CCDC180: variants seen among roughly 807,000 people sequenced by gnomAD.
The protein encoded by CCDC180 is coiled-coil domain-containing protein 180.
A neutral mutation model predicts 209.2 loss-of-function variants in CCDC180; 154 were observed. That is an observed-to-expected ratio of 0.74 (90% confidence interval 0.65 to 0.84). CCDC180 has a LOEUF of 0.84. Ranked by LOEUF, CCDC180 falls within the 40% of genes least tolerant of loss-of-function variation. The probability of loss-of-function intolerance (pLI) is 0.00; values close to 1 mark genes in which losing one functional copy is unlikely to be tolerated. For missense variants in CCDC180, 1,874 were observed against 1,997.3 expected, an observed-to-expected ratio of 0.94 and a Z score of 1.18; for synonymous variants, 778 against 749.1, an observed-to-expected ratio of 1.04 and a Z score of -0.63.
In CCDC180 at chr9:97,322,086, G is replaced by C. The variant is rs114261836; in HGVS notation, c.1160-747G>C. On this transcript the variant is annotated intron_variant, in intron 11 of 36. Coordinates refer to ENST00000529487, the MANE Select transcript of CCDC180 (RefSeq NM_020893.6). ...GGCCCAGAGGGATGCAGTAGTGGAAGCAGGGGGACCTGGGAGAGCCCATCA... is the reference window on the plus strand; with the variant it reads ...GGCCCAGAGGGATGCAGTAGTGGAACCAGGGGGACCTGGGAGAGCCCATCA... Among the ~76,000 whole-genome samples the C allele has an allele frequency of 7.0e-3, 1,064 of 152,284 alleles. 22 individuals are homozygous for C. Among genetic ancestry groups the C allele is most frequent in the African/African-American group, 0.025 (1,018 of 41,526 alleles).
rs762673247 is a variant in CCDC180 at position 97,308,088 on chromosome 9, C to T, written c.25C>T (p.Gln9Ter). 6 of 1,613,106 alleles carry T rather than the reference C, an allele frequency of 3.7e-6. No homozygotes were observed. In the East Asian group the frequency reaches 8.9e-5, roughly 24 times the overall value. Residue 9 changes from glutamine (Q) to a stop codon, truncating the protein, a stop_gained, in exon 2 of 37, where the codon CAG becomes TAG. Transcript: ENST00000529487. LOFTEE classifies it high-confidence loss of function. Reference sequence around the variant, plus strand: ...GATGTCGTCAGTGGGGAAGGTGACCCAGGTTCCGAATGGGAAAGCCTACCA... The same window carrying T: ...GATGTCGTCAGTGGGGAAGGTGACCTAGGTTCCGAATGGGAAAGCCTACCA... MSSVGKVT[Q>*]VPNGKAYQQI...
intron 10 of CCDC180, among the ~76,000 whole-genome samples, chr9:97,318,810 G>C (rs1053247294): frequency 6.6e-6 from 1 of 152,192 alleles, no homozygotes; most frequent in Admixed American, 6.5e-5. Context: ...CAACTTGAAA[G>C]AAACAATGAA....
chr9:97,376,532 CCTT>C (rs1827264084), intron 36 of CCDC180: 1 of 444,130 alleles, frequency 2.3e-6, no homozygotes, highest in South Asian at 2.2e-5. Flanking sequence ...TGCTCAGCCT[CCTT>C]CTAGCTGGGT....
At chr9:97,315,800 G>A (rs1833152702) in intron 8 of CCDC180, among the ~76,000 whole-genome samples, 1 of 152,212 alleles carries the variant, frequency 6.6e-6, no homozygotes, top group African/African-American at 2.4e-5. Context: ...CTGCCCAGAT[G>A]TGGAAGCTTC....
chr9:97,350,787 A>G (rs1270670758), intron 22 of CCDC180, among the ~76,000 whole-genome samples: 1 of 152,210 alleles, frequency 6.6e-6, no homozygotes, highest in Non-Finnish European at 1.5e-5. Context: ...GAAACTCTGT[A>G]CCATTAAACA....
intron 18 of CCDC180, among the ~76,000 whole-genome samples, chr9:97,337,010 T>C (rs901284342): frequency 6.6e-6 from 1 of 152,230 alleles, no homozygotes; most frequent in Non-Finnish European, 1.5e-5. Context: ...TGTACATTGA[T>C]TTTGTATCCT....
In CCDC180 at chr9:97,322,938, C is replaced by G; in HGVS notation, c.1248+17C>G. The G allele has an allele frequency of 6.2e-7, 1 of 1,608,418 alleles. No homozygotes were observed. The highest frequency in any genetic ancestry group is 8.5e-7 in the Non-Finnish European group (1 of 1,175,824). ...AATTGTAAGGTGGGCACCCTTCCTGCAGGCCTGAGAAGAGGAATCCTGGGC... is the reference window on the plus strand; with the variant it reads ...AATTGTAAGGTGGGCACCCTTCCTGGAGGCCTGAGAAGAGGAATCCTGGGC... On this transcript the variant is annotated intron_variant, in intron 12 of 36. Coordinates refer to ENST00000529487, the MANE Select transcript of CCDC180 (RefSeq NM_020893.6).
At position 97,376,772 on chromosome 9, in the gene CCDC180, G is replaced by A. The variant is rs75514945; in HGVS notation, c.4852G>A (p.Ala1618Thr). The stretch of plus-strand genomic sequence containing the variant: ...GCTACCTTCCTTCTAGAAATATTTA[G>A]CATCATTTGAGGAGGAGCTAAAGAG... Reference protein sequence around the residue: ...ARDAVYLKYLASFEEELKRIQ... With the variant: ...ARDAVYLKYLTSFEEELKRIQ... Residue 1618 changes from alanine to threonine, a missense_variant, in exon 37 of 37, where the codon GCA becomes ACA. Transcript: ENST00000529487. 2.0e-4 allele frequency: 318 copies of A among 1,613,100 alleles called. 2 individuals carry two copies. The East Asian group carries it at 6.0e-3, about 30-fold the overall frequency.
chr9:97,364,134 TAAC>T lies in CCDC180; in HGVS notation c.3980+10_3980+12del. The T allele has an allele frequency of 6.2e-7, 1 of 1,613,646 alleles. No homozygotes were observed. Among genetic ancestry groups the T allele is most frequent in the South Asian group, 1.1e-5 (1 of 91,020 alleles). On this transcript the variant is annotated splice_region_variant and intron_variant, in intron 29 of 36. Coordinates refer to ENST00000529487, the MANE Select transcript of CCDC180 (RefSeq NM_020893.6). Reference sequence around the variant, plus strand: ...AAGCCTCCCCCTGCTGCCGAGTGAGTAACAACGCCTTTCCTTTTGACTGCATTT... The same window carrying T: ...AAGCCTCCCCCTGCTGCCGAGTGAGTAACGCCTTTCCTTTTGACTGCATTT...
At chr9:97,307,641 A>T, upstream of CCDC180, 1 of 1,193,076 alleles carries the variant, frequency 8.4e-7, no homozygotes, top group Non-Finnish European at 1.2e-6. Flanking sequence ...TTAGAGTTCC[A>T]GTCCCAACCG....
intron 2 of CCDC180, 32 bp downstream of exon 2, chr9:97,308,164 A>C: frequency 6.5e-7 from 1 of 1,527,602 alleles, no homozygotes; most frequent in Non-Finnish European, 8.8e-7. Flanking sequence ...GCTTTTCTCC[A>C]TCCCCCTTCC....
chr9:97,308,216 A>C (rs1174931803), intron 2 of CCDC180, 84 bp downstream of exon 2: 3 of 1,284,306 alleles, frequency 2.3e-6, no homozygotes, highest in Admixed American at 3.2e-5. Context: ...GGGCTTCCCT[A>C]CTGGAAATTG....
chr9:97,354,956 T>C lies in CCDC180; in HGVS notation c.3212T>C (p.Ile1071Thr), dbSNP rs769320349. The C allele has an allele frequency of 6.2e-6, 10 of 1,613,974 alleles. No homozygotes were observed. The highest frequency in any genetic ancestry group is 1.6e-4 in the Middle Eastern group (1 of 6,084). The change falls in exon 24 of 37, where the codon ATA becomes ACA. Residue 1071 changes from isoleucine to threonine, a missense_variant. By Grantham distance (89) the Ile-to-Thr change is moderately conservative. Transcript: ENST00000529487. ...AACCTGTCTGTGGACCTTATTTTCA[T>C]AGAGAAAATCCAGCGGTTGCTGACG... ...FHNLSVDLIF[I>T]EKIQRLLTNL...
rs770123968 is a variant in CCDC180 at position 97,370,740 on chromosome 9, C to T, written c.4450C>T (p.Leu1484=). 12 of 1,614,074 alleles carry T rather than the reference C, an allele frequency of 7.4e-6. No individual in the cohort carries two copies. The highest frequency in any genetic ancestry group is 9.3e-6 in the Non-Finnish European group (11 of 1,179,978). ...AAGTGAAGAGGAAAGGCAGGAAGAG[C>T]TGGACAGCATGATTAGGATGAACAA... The part of the protein sequence containing the change: ...HLSEEERQEE[L]DSMIRMNKEK... Residue 1484 remains leucine, a synonymous_variant, in exon 33 of 37, where the codon CTG becomes TTG. Transcript: ENST00000529487.
chr9:97,313,215 A>T, intron 4 of CCDC180, 21 bp from the exon 5 acceptor site: 1 of 1,542,512 alleles, frequency 6.5e-7, no homozygotes, highest in Non-Finnish European at 8.9e-7. Context: ...CAGCCTCATC[A>T]CCTCTGTTGT....
At chr9:97,312,003 C>A in intron 3 of CCDC180, 110 bp from the exon 4 acceptor site, 1 of 889,730 alleles carries the variant, frequency 1.1e-6, no homozygotes, top group Non-Finnish European at 1.8e-6. Context: ...TGGTCCATTG[C>A]TGCTGCCCAC....
At chr9:97,330,125 C>A (rs371305248) in intron 16 of CCDC180, 29 bp from the exon 17 acceptor site, 2 of 1,596,272 alleles carry the variant, frequency 1.3e-6, no homozygotes, top group Non-Finnish European at 1.7e-6. Context: ...AGTGCAGGTC[C>A]TTCAGTGACT....
In CCDC180 at chr9:97,360,074, G is replaced by T. The variant is rs1826706563; in HGVS notation, c.3456G>T (p.Arg1152Ser). 8.1e-6 allele frequency: 13 copies of T among 1,613,932 alleles called. No homozygotes were observed. The East Asian group carries it at 2.9e-4, about 36-fold the overall frequency. Residue 1152 changes from arginine (R) to serine (S), a missense_variant, in exon 26 of 37, where the codon AGG becomes AGT. Transcript: ENST00000529487. The stretch of plus-strand genomic sequence containing the variant: ...AGTACCTTAACTGCAGCCTGGACAG[G>T]GTGTCCATGACTGAACTGGTCTTTA... ...RIQYLNCSLD[R>S]VSMTELVFTN... is the part of the protein sequence containing the mutation.
intron 12 of CCDC180, among the ~76,000 whole-genome samples, chr9:97,323,281 G>A (rs556314551): frequency 2.0e-5 from 3 of 152,200 alleles, no homozygotes; most frequent in Admixed American, 6.5e-5. Flanking sequence ...ACTCTCTGTC[G>A]TACACAGCAC....
Sources: allele counts gnomAD v4.1 joint callset (sites outside exome capture counted in the v4.1 genomes callset), GRCh38; gene constraint gnomAD v4.1.1; transcripts MANE v1.5; gene names NCBI Gene and HGNC (gene_info 2026-07-23, HGNC 2026-07-21).